FAM227B: variants seen among roughly 807,000 people sequenced by gnomAD.
FAM227B encodes family with sequence similarity 227 member B.
FAM227B carries 88 observed loss-of-function variants against 73.8 expected under a neutral mutation model. The observed-to-expected ratio is 1.19, with a 90% CI of 1.00 to 1.42. The LOEUF is 1.42. FAM227B is among the 40% of genes most tolerant of loss of function. The pLI is 0.00. For synonymous variants in FAM227B, 210 were observed against 190.5 expected (o/e 1.10, Z -0.84); for missense variants, 632 against 590.9 (o/e 1.07, Z -0.72).
intron 12 of FAM227B, 39 bp from the exon 13 acceptor site, chr15:49,367,647 T>C (rs376332909): frequency 5.3e-6 from 8 of 1,522,436 alleles, no homozygotes; most frequent in Non-Finnish European, 7.0e-6. Context: ...ACGATTACTT[T>C]TGTGTTTCTA....
chr15:49,549,322 T>TTTATTTATTTA (rs2072450057), intron 9 of FAM227B, among the ~76,000 whole-genome samples: 3 of 147,776 alleles, frequency 2.0e-5, no homozygotes, highest in Admixed American at 6.7e-5. Context: ...TGCATATGTA[T>TTTATTTATTTA]TTTATTTATT....
intron 13 of FAM227B, chr15:49,366,672 G>A (rs1025218186): frequency 2.0e-6 from 3 of 1,521,270 alleles, no homozygotes; most frequent in Non-Finnish European, 2.7e-6. Context: ...GACAGCCGCC[G>A]CTGCGGCCCC....
At chr15:49,425,371 T>C (rs2050033592) in intron 11 of FAM227B, 1 of 152,032 alleles carries the variant, frequency 6.6e-6, no homozygotes, top group Non-Finnish European at 1.5e-5. Flanking sequence ...ATCAGGGTTG[T>C]GTTTTGCATT....
chr15:49,394,639 T>C (rs890483857), intron 11 of FAM227B, among the ~76,000 whole-genome samples: 1 of 152,122 alleles, frequency 6.6e-6, no homozygotes, highest in Non-Finnish European at 1.5e-5. Flanking sequence ...TTTAATTAGG[T>C]TTGCGGCTTT....
chr15:49,549,322 T>TTTTATTTACTTA (rs2072450993), intron 9 of FAM227B, among the ~76,000 whole-genome samples: 2 of 147,776 alleles, frequency 1.4e-5, no homozygotes, highest in East Asian at 4.0e-4. Flanking sequence ...TGCATATGTA[T>TTTTATTTACTTA]TTTATTTATT....
At chr15:49,395,245 G>A (rs1409849662) in intron 11 of FAM227B, among the ~76,000 whole-genome samples, 2 of 151,726 alleles carry the variant, frequency 1.3e-5, no homozygotes, top group African/African-American at 2.4e-5. Context: ...CTTTTCTAGG[G>A]GGTTTTAAGG....
At chr15:49,395,145 TTTAA>T (rs1296277160) in intron 11 of FAM227B, among the ~76,000 whole-genome samples, 6 of 152,206 alleles carry the variant, frequency 3.9e-5, no homozygotes, top group African/African-American at 1.2e-4. Flanking sequence ...TTCCTTAAAT[TTTAA>T]TTTATTCTAT....
At chr15:49,479,597 CTG>C (rs1567359078) in intron 11 of FAM227B, among the ~76,000 whole-genome samples, 7 of 102,086 alleles carry the variant, frequency 6.9e-5, no homozygotes, top group South Asian at 3.2e-4. Flanking sequence ...GTTAATACCT[CTG>C]TTTTTTTTTT....
intron 11 of FAM227B, among the ~76,000 whole-genome samples, chr15:49,463,829 A>T (rs2054018610): frequency 6.6e-6 from 1 of 152,168 alleles, no homozygotes; most frequent in South Asian, 2.1e-4. Flanking sequence ...GTAAGGGGAA[A>T]ATTGTAAGTA....
chr15:49,472,701 G>A (rs1450138120), intron 11 of FAM227B, among the ~76,000 whole-genome samples: 1 of 152,020 alleles, frequency 6.6e-6, no homozygotes, highest in Non-Finnish European at 1.5e-5. Flanking sequence ...AAGACTTAAG[G>A]GGCAAAGATA....
intron 11 of FAM227B, among the ~76,000 whole-genome samples, chr15:49,452,532 T>C (rs1294279249): frequency 6.6e-6 from 1 of 152,208 alleles, no homozygotes; most frequent in African/African-American, 2.4e-5. Context: ...TAAAAAGATC[T>C]ATGCAGATTT....
chr15:49,366,737 A>G (rs1018128360), intron 13 of FAM227B: 2 of 927,138 alleles, frequency 2.2e-6, no homozygotes, highest in African/African-American at 3.2e-5. Flanking sequence ...TAGGTGGGGT[A>G]GGCTGGGAGT....
intron 10 of FAM227B, among the ~76,000 whole-genome samples, chr15:49,536,410 G>T (rs763855204): frequency 2.6e-5 from 4 of 151,824 alleles, no homozygotes; most frequent in African/African-American, 4.8e-5. Flanking sequence ...ACTGAAGAAA[G>T]AAATTGAAGA....
At chr15:49,476,953 G>A (rs765213649) in intron 11 of FAM227B, among the ~76,000 whole-genome samples, 117 of 151,936 alleles carry the variant, frequency 7.7e-4, no homozygotes, top group African/African-American at 2.0e-3. Context: ...CCAGCTACTC[G>A]GGAGGCTGAG....
intron 11 of FAM227B, among the ~76,000 whole-genome samples, chr15:49,392,825 T>A (rs2047304895): frequency 6.6e-6 from 1 of 152,212 alleles, no homozygotes; most frequent in African/African-American, 2.4e-5. Flanking sequence ...TTATTTCAAA[T>A]GGTCATAGAC....
At chr15:49,522,821 A>G (rs1337037998) in intron 10 of FAM227B, among the ~76,000 whole-genome samples, 1 of 152,160 alleles carries the variant, frequency 6.6e-6, no homozygotes, top group African/African-American at 2.4e-5. Flanking sequence ...ACTTATAGAC[A>G]TTTCTGAGGC....
At chr15:49,547,452 G>A (rs1006106826) in intron 9 of FAM227B, among the ~76,000 whole-genome samples, 2 of 152,072 alleles carry the variant, frequency 1.3e-5, no homozygotes, top group Non-Finnish European at 2.9e-5. Flanking sequence ...ATGTAAATGG[G>A]CTAAATGCTC....
intron 11 of FAM227B, among the ~76,000 whole-genome samples, chr15:49,418,098 TA>T (rs563782812): frequency 6.6e-6 from 1 of 152,030 alleles, no homozygotes; most frequent in South Asian, 2.1e-4. Flanking sequence ...GAAATGCAAA[TA>T]AAAAACACAG....
At chr15:49,444,985 G>GATTCATATTCATATATTCATATATGA (rs749760965) in intron 11 of FAM227B, among the ~76,000 whole-genome samples, 61 of 151,320 alleles carry the variant, frequency 4.0e-4, no homozygotes, top group Non-Finnish European at 7.8e-4. Flanking sequence ...TATTCATTCT[G>GATTCATATTCATATATTCATATATGA]ATTCATATTC....
Sources: gnomAD v4.1 joint callset for allele counts (sites outside exome capture counted in the v4.1 genomes callset) on GRCh38, gnomAD v4.1.1 for gene constraint, MANE v1.5 for transcripts, NCBI Gene and HGNC (gene_info 2026-07-23, HGNC 2026-07-21) for gene names.